The following CEP112 variants were observed in gnomAD, a reference collection of about 807,000 sequenced individuals.
CEP112 encodes the protein centrosomal protein 112.
A neutral mutation model predicts 153.0 loss-of-function variants in CEP112; 127 were observed. The observed-to-expected ratio is 0.83, with a 90% CI of 0.72 to 0.96. CEP112 has a LOEUF of 0.96. Among genes scored for constraint, CEP112 ranks in the 40% least tolerant of loss-of-function variants. CEP112 has a pLI of 0.00. For synonymous variants in CEP112, 358 were observed against 374.4 expected (o/e 0.96, Z 0.51); for missense variants, 1,089 against 1,101.2 (o/e 0.99, Z 0.16).
intron 20 of CEP112, among the ~76,000 whole-genome samples, chr17:65,884,800 C>A (rs1320344393): frequency 6.6e-6 from 1 of 150,736 alleles, no homozygotes; most frequent in Non-Finnish European, 1.5e-5. Flanking sequence ...TCACCACAAC[C>A]TCCGCCTCCT....
In CEP112 at chr17:66,107,092, C is replaced by T. The variant is rs559025543; in HGVS notation, c.643-10460G>A. ...TGAAAAAGCATTTAATAAAATTCAG[C>T]GTCCCTTCATGATAAAAACCTTGAA... is the stretch of plus-strand genomic sequence containing the variant. On this transcript the variant is annotated intron_variant, in intron 6 of 26. Coordinates refer to ENST00000535342, the MANE Select transcript of CEP112 (RefSeq NM_001199165.4). 7.9e-5 allele frequency among the ~76,000 whole-genome samples: 12 copies of T among 152,160 alleles called. No homozygotes were observed. In the East Asian group the frequency reaches 2.1e-3, roughly 27 times the overall value.
At chr17:65,923,197 T>G (rs550537459) in intron 19 of CEP112, among the ~76,000 whole-genome samples, 2 of 152,300 alleles carry the variant, frequency 1.3e-5, no homozygotes, top group East Asian at 3.8e-4. Context: ...TGCACCGGCT[T>G]TTGCAGTTAG....
chr17:65,880,426 C>T (rs59890716), intron 20 of CEP112, among the ~76,000 whole-genome samples: 21,540 of 152,126 alleles, frequency 0.14, 1,578 homozygotes, highest in African/African-American at 0.17. Context: ...TAAAAACCAA[C>T]AAACATCAAA....
intron 9 of CEP112, 65 bp downstream of exon 9, chr17:66,069,850 A>T (rs368823867): frequency 2.3e-5 from 20 of 865,750 alleles, no homozygotes; most frequent in East Asian, 1.3e-4. Context: ...AACTGGATGG[A>T]TCATCATAAA....
At chr17:65,861,803 G>A (rs549523960) in intron 20 of CEP112, among the ~76,000 whole-genome samples, 3 of 152,286 alleles carry the variant, frequency 2.0e-5, no homozygotes, top group Middle Eastern at 3.4e-3. Flanking sequence ...TGGGTGTAAC[G>A]TGATAAAACC....
chr17:65,968,122 C>G (rs2062482084), intron 17 of CEP112, among the ~76,000 whole-genome samples: 1 of 152,024 alleles, frequency 6.6e-6, no homozygotes, highest in Non-Finnish European at 1.5e-5. Context: ...TTACGTTATT[C>G]TTGTAAAATG....
At chr17:65,731,320 T>C (rs899653865) in intron 23 of CEP112, among the ~76,000 whole-genome samples, 3 of 152,224 alleles carry the variant, frequency 2.0e-5, no homozygotes, top group African/African-American at 4.8e-5. Flanking sequence ...AAAAAAGTCA[T>C]GTTTACACTA....
intron 20 of CEP112, among the ~76,000 whole-genome samples, chr17:65,859,490 C>G (rs1348171600): frequency 6.7e-6 from 1 of 150,188 alleles, no homozygotes; most frequent in Non-Finnish European, 1.5e-5. Context: ...TTATGATTAT[C>G]TGAATACACA....
At chr17:66,028,269 C>A in intron 15 of CEP112, 44 bp downstream of exon 15, 1 of 1,184,642 alleles carries the variant, frequency 8.4e-7, no homozygotes, top group Non-Finnish European at 1.2e-6. Flanking sequence ...ATCAAGAAAA[C>A]TGTGTTTGAC....
chr17:65,653,827 G>A (rs1288514258), intron 24 of CEP112, among the ~76,000 whole-genome samples: 1 of 152,084 alleles, frequency 6.6e-6, no homozygotes, highest in Non-Finnish European at 1.5e-5. Flanking sequence ...TTGGGAGCCA[G>A]AGGCGGGCAG....
intron 24 of CEP112, among the ~76,000 whole-genome samples, chr17:65,654,618 AG>A (rs2045964203): frequency 6.6e-6 from 1 of 152,208 alleles, no homozygotes; most frequent in Non-Finnish European, 1.5e-5. Context: ...GTGGAGAAAA[AG>A]GTGGCTTTAG....
chr17:65,896,797 T>C (rs2059675923), intron 20 of CEP112, among the ~76,000 whole-genome samples: 1 of 152,072 alleles, frequency 6.6e-6, no homozygotes, highest in African/African-American at 2.4e-5. Flanking sequence ...ATACAGAAAG[T>C]TCCTGGGCTA....
At chr17:66,158,269 A>T (rs1000482635) in intron 4 of CEP112, among the ~76,000 whole-genome samples, 1 of 152,194 alleles carries the variant, frequency 6.6e-6, no homozygotes, top group Non-Finnish European at 1.5e-5. Context: ...CAAACTGAAC[A>T]ACCTGCTCCT....
intron 12 of CEP112, among the ~76,000 whole-genome samples, chr17:66,040,935 G>GA: frequency 6.6e-6 from 1 of 152,134 alleles, no homozygotes. Context: ...GATATTCTAA[G>GA]ATTTCCTCTT....
chr17:65,921,207 C>T (rs951444474), intron 19 of CEP112, among the ~76,000 whole-genome samples: 1 of 152,102 alleles, frequency 6.6e-6, no homozygotes, highest in Non-Finnish European at 1.5e-5. Context: ...CCACGAAAGC[C>T]AGATATATTA....
At chr17:65,929,011 A>T (rs867975327) in intron 18 of CEP112, among the ~76,000 whole-genome samples, 11 of 152,344 alleles carry the variant, frequency 7.2e-5, no homozygotes, top group Admixed American at 3.9e-4. Context: ...AATCCATAGA[A>T]ACAGAAAACA....
chr17:66,013,528 TACTCTA>T (rs928400255), intron 16 of CEP112, among the ~76,000 whole-genome samples: 3 of 152,204 alleles, frequency 2.0e-5, no homozygotes, highest in Non-Finnish European at 4.4e-5. Context: ...CCACACTGTA[TACTCTA>T]ACTCTAAGGG....
chr17:66,005,633 T>A (rs1287126517), intron 17 of CEP112, 57 bp downstream of exon 17: 1 of 1,562,046 alleles, frequency 6.4e-7, no homozygotes, highest in African/African-American at 1.4e-5. Flanking sequence ...TTACTTAATT[T>A]GGCTCACAGT....
At chr17:65,920,980 T>G (rs1292545142) in intron 19 of CEP112, among the ~76,000 whole-genome samples, 1 of 152,158 alleles carries the variant, frequency 6.6e-6, no homozygotes, top group Non-Finnish European at 1.5e-5. Context: ...TCCTACATAT[T>G]AACTATTCCT....
Sources: gnomAD v4.1 joint callset for allele counts (sites outside exome capture counted in the v4.1 genomes callset) on GRCh38, gnomAD v4.1.1 for gene constraint, MANE v1.5 for transcripts, NCBI Gene and HGNC (gene_info 2026-07-23, HGNC 2026-07-21) for gene names.